The following KIF14 variants were observed in gnomAD, a reference collection of about 807,000 sequenced individuals.
KIF14 encodes the protein kinesin-like protein KIF14.
A neutral mutation model predicts 176.2 loss-of-function variants in KIF14; 98 were observed. The observed-to-expected ratio is 0.56, with a 90% confidence interval of 0.47 to 0.66. The LOEUF (loss-of-function observed/expected upper bound fraction) is 0.66, where lower values mean the gene tolerates loss of function less well. KIF14 is among the 30% of genes least tolerant of loss of function. KIF14 has a pLI of 0.00. For synonymous variants in KIF14, 566 were observed against 632.2 expected (o/e 0.90, Z 1.57); for missense variants, 1,751 against 1,920.4 (o/e 0.91, Z 1.65).
chr1:200,588,032 C>T (rs1658844661), intron 18 of KIF14, among the ~76,000 whole-genome samples: 1 of 151,834 alleles, frequency 6.6e-6, no homozygotes, highest in African/African-American at 2.4e-5. Flanking sequence ...CCTGACCCCA[C>T]AAACTTGGAA....
At chr1:200,596,983 C>T (rs1436873254) in intron 14 of KIF14, among the ~76,000 whole-genome samples, 1 of 148,284 alleles carries the variant, frequency 6.7e-6, no homozygotes, top group Non-Finnish European at 1.5e-5. Context: ...ACTGCAACAT[C>T]CACCTCCTAG....
chr1:200,604,011 G>A, intron 8 of KIF14, 56 bp from the exon 9 acceptor site: 1 of 1,070,452 alleles, frequency 9.3e-7, no homozygotes, highest in Admixed American at 1.8e-5. Flanking sequence ...ATCAATATAG[G>A]TTTTTTTAAA....
At chr1:200,587,878 T>C (rs1441589014) in intron 18 of KIF14, among the ~76,000 whole-genome samples, 3 of 152,170 alleles carry the variant, frequency 2.0e-5, no homozygotes, top group Admixed American at 6.5e-5. Flanking sequence ...TTCTATGTTT[T>C]TCTCCTAAAA....
intron 22 of KIF14, among the ~76,000 whole-genome samples, chr1:200,574,179 T>G (rs988003827): frequency 3.9e-5 from 6 of 152,346 alleles, no homozygotes; most frequent in Non-Finnish European, 7.3e-5. Flanking sequence ...ATGATGCTTC[T>G]GCTGACAGAT....
At chr1:200,565,808 G>A in intron 23 of KIF14, 139 bp from the exon 24 acceptor site, 1 of 617,748 alleles carries the variant, frequency 1.6e-6, no homozygotes, top group Non-Finnish European at 2.8e-6. Context: ...TGTTCACTGT[G>A]GAATTAGAAA....
At chr1:200,616,422 T>C (rs998741164) in intron 2 of KIF14, among the ~76,000 whole-genome samples, 6 of 152,214 alleles carry the variant, frequency 3.9e-5, no homozygotes, top group Admixed American at 3.9e-4. Context: ...ACCAGCTCTT[T>C]CTATTGTTTC....
At chr1:200,578,584 T>C (rs571830638) in intron 21 of KIF14, among the ~76,000 whole-genome samples, 55 of 152,090 alleles carry the variant, frequency 3.6e-4, no homozygotes, top group Non-Finnish European at 7.2e-4. Flanking sequence ...TTTTTTTTTT[T>C]AATTAAAAGA....
At chr1:200,574,348 T>TA (rs1336539765) in intron 22 of KIF14, among the ~76,000 whole-genome samples, 1 of 152,204 alleles carries the variant, frequency 6.6e-6, no homozygotes, top group Non-Finnish European at 1.5e-5. Flanking sequence ...GACTTTCCCC[T>TA]AGTCAGTCAC....
chr1:200,569,821 AT>A, intron 23 of KIF14, 89 bp downstream of exon 23: 2 of 658,454 alleles, frequency 3.0e-6, no homozygotes, highest in Admixed American at 5.4e-5. Flanking sequence ...AGGAAATGAA[AT>A]GATTTGCACA....
intron 14 of KIF14, among the ~76,000 whole-genome samples, chr1:200,596,643 T>G (rs1659357628): frequency 6.7e-6 from 1 of 148,348 alleles, no homozygotes; most frequent in African/African-American, 2.5e-5. Context: ...TGGCTCACTG[T>G]AGCTTCCACC....
chr1:200,620,478 G>A lies in KIF14; in HGVS notation c.-183C>T, dbSNP rs553029577. ...ACGGGCCGAGAGGCCCTGAAGTCCG[G>A]CTTCCCGGTCCCAGCAGAGACGCTG... On this transcript the variant is annotated 5_prime_UTR_variant, in exon 1 of 30. Coordinates refer to ENST00000367350, the MANE Select transcript of KIF14 (RefSeq NM_014875.3). 1 of 149,802 alleles carries A rather than the reference G, an allele frequency of 6.7e-6. No individual in the cohort carries two copies. The highest frequency in any genetic ancestry group is 1.9e-4 in the East Asian group (1 of 5,180). The allele number at this position is 149,802 out of a possible 1,614,324, so 9.3% of individuals were successfully genotyped here.
At chr1:200,567,410 T>A (rs999746528) in intron 23 of KIF14, among the ~76,000 whole-genome samples, 1 of 151,230 alleles carries the variant, frequency 6.6e-6, no homozygotes, top group Non-Finnish European at 1.5e-5. Context: ...CCGGGCCTGG[T>A]GGCAGGCGCC....
chr1:200,618,313 T>C lies in KIF14; in HGVS notation c.411A>G (p.Glu137=), dbSNP rs781781143. The part of the protein sequence containing the change: ...TDSAEKWKTA[E]IDSVKMTLNV... ...TCAGTGTCATTTTGACAGAATCTAT[T>C]TCAGCTGTTTTCCACTTTTCTGCAG... Residue 137 remains glutamate, a synonymous_variant, in exon 2 of 30, where the codon GAA becomes GAG. Coordinates refer to ENST00000367350, the MANE Select transcript of KIF14 (RefSeq NM_014875.3). 1 of 1,613,932 alleles carries C rather than the reference T, an allele frequency of 6.2e-7. No homozygotes were observed.
Position 200,557,135 on chromosome 1 carries a change from C to T in KIF14, c.4354-1681G>A, listed in dbSNP as rs185613231. 7.9e-3 allele frequency among the ~76,000 whole-genome samples: 1,207 copies of T among 152,290 alleles called. 11 individuals are homozygous for T. Among genetic ancestry groups the T allele is most frequent in the African/African-American group, 0.026 (1,080 of 41,564 alleles). On this transcript the variant is annotated intron_variant, in intron 27 of 29. Transcript: ENST00000367350. Reference sequence around the variant, plus strand: ...TCTCCTGCCTCAGCCTCCTGAGTAGCTGGGACTACAGATGTGCACCACCAC... The same window carrying T: ...TCTCCTGCCTCAGCCTCCTGAGTAGTTGGGACTACAGATGTGCACCACCAC...
rs191054964 is a variant in KIF14 at position 200,600,767 on chromosome 1, C to A, written c.2153-264G>T. ...ATAATGTACTGACCAAAGTGGAACA[C>A]TTTTGAGAGGCAAAAGGGTAATTGT... On this transcript the variant is annotated intron_variant, in intron 11 of 29. Coordinates refer to ENST00000367350, the MANE Select transcript of KIF14 (RefSeq NM_014875.3). 6.0e-3 allele frequency among the ~76,000 whole-genome samples: 909 copies of A among 152,150 alleles called. 6 individuals carry two copies. Among genetic ancestry groups the A allele is most frequent in the Non-Finnish European group, 8.9e-3 (608 of 68,020 alleles).
chr1:200,552,374 T>C lies in KIF14; in HGVS notation c.*1014A>G, dbSNP rs1656581435. On this transcript the variant is annotated 3_prime_UTR_variant, in exon 30 of 30. Transcript: ENST00000367350. ...TAAAGCTGTGGAAAATAAGGGTCTTTAATCTTCATCAAATCATATACAAAT... is the reference window on the plus strand; with the variant it reads ...TAAAGCTGTGGAAAATAAGGGTCTTCAATCTTCATCAAATCATATACAAAT... 1 of 152,132 alleles carries C rather than the reference T, an allele frequency of 6.6e-6. No individual in the cohort carries two copies. The highest frequency in any genetic ancestry group is 1.5e-5 in the Non-Finnish European group (1 of 68,004). The allele number at this position is 152,132 out of a possible 1,614,324, so 9.4% of individuals were successfully genotyped here. A position where few individuals can be genotyped will look rare whatever the true frequency, so the allele number is the denominator to read the frequency against.
chr1:200,615,655 A>G, intron 2 of KIF14, 46 bp from the exon 3 acceptor site: 1 of 1,514,190 alleles, frequency 6.6e-7, no homozygotes, highest in South Asian at 1.2e-5. Context: ...AAAATGATCA[A>G]GGGTATTATT....
At chr1:200,597,724 T>C (rs142845512) in intron 14 of KIF14, among the ~76,000 whole-genome samples, 1 of 152,286 alleles carries the variant, frequency 6.6e-6, no homozygotes, top group Non-Finnish European at 1.5e-5. Flanking sequence ...CTAAACTTTA[T>C]AAGAGATAAA....
At chr1:200,584,346 A>G (rs892089010) in intron 19 of KIF14, among the ~76,000 whole-genome samples, 1 of 152,178 alleles carries the variant, frequency 6.6e-6, no homozygotes, top group Non-Finnish European at 1.5e-5. Context: ...AACATTTCCA[A>G]TTCCTTTTGC....
Sources: gnomAD v4.1 joint callset for allele counts (sites outside exome capture counted in the v4.1 genomes callset) on GRCh38, gnomAD v4.1.1 for gene constraint, MANE v1.5 for transcripts, NCBI Gene and HGNC (gene_info 2026-07-23, HGNC 2026-07-21) for gene names.